Variants in CLDN14 observed in about 807,000 individuals in gnomAD.
The protein encoded by CLDN14 is claudin 14.
In CLDN14, 2 loss-of-function variants were observed where a neutral mutation model predicts 2.1. The ratio of observed to expected loss-of-function variants is 0.96; its 90% CI spans 0.39 to 3.01. The LOEUF is 3.01. Among genes scored for constraint, CLDN14 ranks in the 30% most tolerant of loss-of-function variants. The probability of loss-of-function intolerance (pLI) is 0.09; values close to 1 mark genes in which losing one functional copy is unlikely to be tolerated. For synonymous variants in CLDN14, 136 were observed against 154.4 expected, an observed-to-expected ratio of 0.88 and a Z score of 0.88; for missense variants, 298 against 328.0, an observed-to-expected ratio of 0.91 and a Z score of 0.71.
At chr21:36,496,537 A>G (rs1022239769) in intron 2 of CLDN14, among the ~76,000 whole-genome samples, 5 of 149,954 alleles carry the variant, frequency 3.3e-5, no homozygotes, top group Middle Eastern at 6.8e-3. Context: ...CCAAATTTAG[A>G]ACCAGGCAGG....
intron 1 of CLDN14, among the ~76,000 whole-genome samples, chr21:36,471,049 G>A (rs1047969860): frequency 3.9e-5 from 6 of 152,306 alleles, no homozygotes; most frequent in Admixed American, 3.9e-4. Context: ...GGCATTGAGT[G>A]TGATCTGGTG....
At chr21:36,476,870 A>G (rs1286533484) in intron 1 of CLDN14, among the ~76,000 whole-genome samples, 2 of 152,264 alleles carry the variant, frequency 1.3e-5, no homozygotes, top group Admixed American at 6.5e-5. Flanking sequence ...ATATAAAGAC[A>G]TTTAGAATTA....
intron 1 of CLDN14, among the ~76,000 whole-genome samples, chr21:36,531,692 G>A (rs1601626218): frequency 7.8e-6 from 1 of 128,598 alleles, no homozygotes; most frequent in Admixed American, 7.7e-5. Flanking sequence ...GTCTTTGTCT[G>A]TTTTTTTTTT....
intron 1 of CLDN14, among the ~76,000 whole-genome samples, chr21:36,513,867 T>C (rs2087203819): frequency 6.7e-6 from 1 of 148,350 alleles, no homozygotes. Context: ...GGTCTAACTT[T>C]TTCGCTCAGG....
intron 1 of CLDN14, chr21:36,532,371 T>G (rs1457660191): frequency 7.1e-6 from 1 of 140,450 alleles, no homozygotes; most frequent in Non-Finnish European, 1.5e-5. Context: ...TTGTTACATG[T>G]CAATAAAAAT....
In CLDN14 at chr21:36,461,444, C is replaced by T. The variant is rs1455275291; in HGVS notation, c.252G>A (p.Met84Ile). The change falls in exon 2 of 2, where the codon ATG (methionine) becomes ATA (isoleucine). Residue 84 changes from methionine to isoleucine, a missense_variant. Met to Ile is a conservative substitution (Grantham distance 10, BLOSUM62 1). Coordinates refer to ENST00000399135, the MANE Select transcript of CLDN14 (RefSeq NM_001146079.2). ...PQDLQAARAL[M>I]VISCLLSGIA... is the part of the protein sequence containing the mutation. ...TGCCCGAGAGCAGGCAGGAGATGAC[C>T]ATGAGGGCGCGGGCAGCCTGGAGGT... The T allele has an allele frequency of 6.2e-7, 1 of 1,613,380 alleles. No individual in the cohort carries two copies. Among genetic ancestry groups the T allele is most frequent in the South Asian group, 1.1e-5 (1 of 91,086 alleles).
intron 1 of CLDN14, among the ~76,000 whole-genome samples, chr21:36,539,827 CTGCAGAGTGAGTGTGTG>C (rs1345888511): frequency 7.6e-6 from 1 of 131,480 alleles, no homozygotes; most frequent in African/African-American, 2.9e-5. Flanking sequence ...CGGAGTATGT[CTGCAGAGTGAGTGTGTG>C]TGCAGAGTGA....
chr21:36,490,136 A>C (rs934837242), intron 2 of CLDN14, among the ~76,000 whole-genome samples: 1 of 152,102 alleles, frequency 6.6e-6, no homozygotes, highest in Non-Finnish European at 1.5e-5. Context: ...CTCCACAGAC[A>C]CTCAGATATC....
chr21:36,520,300 C>A (rs1029673353), intron 1 of CLDN14, among the ~76,000 whole-genome samples: 1 of 152,188 alleles, frequency 6.6e-6, no homozygotes, highest in Non-Finnish European at 1.5e-5. Flanking sequence ...ATTACATCTG[C>A]AAAGACCTTT....
chr21:36,555,122 T>C (rs1219663183), intron 1 of CLDN14, among the ~76,000 whole-genome samples: 2 of 152,242 alleles, frequency 1.3e-5, no homozygotes, highest in African/African-American at 4.8e-5. Context: ...TGGATACCTA[T>C]AACTCCGTCT....
chr21:36,468,229 T>A (rs2086669711), intron 1 of CLDN14, among the ~76,000 whole-genome samples: 1 of 152,218 alleles, frequency 6.6e-6, no homozygotes, highest in Non-Finnish European at 1.5e-5. Context: ...AAAACCTGAA[T>A]GTCCTCACTG....
chr21:36,481,788 G>A (rs1294925762), upstream of CLDN14, among the ~76,000 whole-genome samples: 1 of 152,214 alleles, frequency 6.6e-6, no homozygotes, highest in Non-Finnish European at 1.5e-5. Context: ...AGAGGGCAAA[G>A]TCACAGAAAC....
chr21:36,468,434 G>A (rs1228868227), intron 1 of CLDN14, among the ~76,000 whole-genome samples: 4 of 151,984 alleles, frequency 2.6e-5, no homozygotes, highest in South Asian at 2.1e-4. Context: ...AAAATTAGCC[G>A]GGTGTGGTGA....
chr21:36,526,097 G>T (rs187181103), intron 1 of CLDN14, among the ~76,000 whole-genome samples: 85 of 152,260 alleles, frequency 5.6e-4, no homozygotes, highest in African/African-American at 2.0e-3. Context: ...ACCACAGATT[G>T]GAATCCACAA....
At chr21:36,546,376 G>C (rs946584098) in intron 1 of CLDN14, among the ~76,000 whole-genome samples, 16 of 152,144 alleles carry the variant, frequency 1.1e-4, no homozygotes, top group African/African-American at 3.9e-4. Context: ...TTCATGGCTA[G>C]AAACAGCTGT....
At chr21:36,541,139 T>C (rs141142141) in intron 1 of CLDN14, among the ~76,000 whole-genome samples, 133 of 152,302 alleles carry the variant, frequency 8.7e-4, no homozygotes, top group African/African-American at 3.0e-3. Context: ...GGACTTGATG[T>C]GGACGGGCTG....
intron 2 of CLDN14, among the ~76,000 whole-genome samples, chr21:36,504,269 G>T (rs895427825): frequency 1.3e-5 from 2 of 151,950 alleles, no homozygotes; most frequent in South Asian, 2.1e-4. Flanking sequence ...AAGCCTAGAA[G>T]TTTGAGGCTG....
chr21:36,529,102 A>T (rs980044093), intron 1 of CLDN14, among the ~76,000 whole-genome samples: 6 of 152,244 alleles, frequency 3.9e-5, no homozygotes, highest in African/African-American at 1.4e-4. Context: ...TTTGAGCAGA[A>T]AACTACAGGC....
At chr21:36,521,983 C>T (rs2087274796) in intron 1 of CLDN14, among the ~76,000 whole-genome samples, 1 of 152,166 alleles carries the variant, frequency 6.6e-6, no homozygotes. Flanking sequence ...CTATCAGCAG[C>T]AACATGTCAG....
Sources: gnomAD v4.1 joint callset for allele counts (sites outside exome capture counted in the v4.1 genomes callset) on GRCh38, gnomAD v4.1.1 for gene constraint, MANE v1.5 for transcripts, NCBI Gene and HGNC (gene_info 2026-07-23, HGNC 2026-07-21) for gene names.